GTF2E2: variants seen among roughly 807,000 people sequenced by gnomAD.
GTF2E2 encodes the protein general transcription factor IIE subunit 2.
In GTF2E2, 21 loss-of-function variants were observed where a neutral mutation model predicts 40.5. The ratio of observed to expected loss-of-function variants is 0.52; its 90% confidence interval spans 0.37 to 0.75. The LOEUF (loss-of-function observed/expected upper bound fraction) is 0.75, where lower values mean the gene tolerates loss of function less well. Ranked by LOEUF, GTF2E2 falls within the 30% of genes least tolerant of loss-of-function variation. The pLI, the probability that GTF2E2 is intolerant of heterozygous loss-of-function variation, is 0.00. For synonymous variants in GTF2E2, 117 were observed against 121.6 expected, an observed-to-expected ratio of 0.96 and a Z score of 0.25; for missense variants, 298 against 338.4, an observed-to-expected ratio of 0.88 and a Z score of 0.94.
At chr8:30,635,638 C>A (rs1316126395) in intron 2 of GTF2E2, among the ~76,000 whole-genome samples, 1 of 152,132 alleles carries the variant, frequency 6.6e-6, no homozygotes, top group Non-Finnish European at 1.5e-5. Context: ...CCATCTCAGC[C>A]TCCCAAAGTG....
chr8:30,616,614 A>C (rs1439027245), intron 3 of GTF2E2, among the ~76,000 whole-genome samples: 3 of 152,100 alleles, frequency 2.0e-5, no homozygotes, highest in African/African-American at 4.8e-5. Context: ...CACAGAAAGA[A>C]CACCACTAAG....
chr8:30,632,156 C>A (rs1030703426), intron 3 of GTF2E2, among the ~76,000 whole-genome samples: 6 of 152,064 alleles, frequency 3.9e-5, no homozygotes, highest in Non-Finnish European at 8.8e-5. Flanking sequence ...TTTATCATAT[C>A]CCTTGCTTCA....
chr8:30,603,447 GA>G (rs1276575124), intron 6 of GTF2E2, among the ~76,000 whole-genome samples: 1 of 151,892 alleles, frequency 6.6e-6, no homozygotes, highest in African/African-American at 2.4e-5. Flanking sequence ...TAAAAGATGG[GA>G]AAAAATATAT....
chr8:30,591,657 C>A (rs144194938), intron 6 of GTF2E2, among the ~76,000 whole-genome samples: 139 of 152,240 alleles, frequency 9.1e-4, no homozygotes, highest in African/African-American at 3.2e-3. Flanking sequence ...GAAAGCAGAA[C>A]CTTCCTAAGT....
At chr8:30,591,836 G>A (rs1828859963) in intron 6 of GTF2E2, among the ~76,000 whole-genome samples, 1 of 152,084 alleles carries the variant, frequency 6.6e-6, no homozygotes, top group Non-Finnish European at 1.5e-5. Context: ...TATGTTAATA[G>A]CAGTATTATT....
chr8:30,619,241 A>AC (rs1801013125), intron 3 of GTF2E2, among the ~76,000 whole-genome samples: 1 of 152,214 alleles, frequency 6.6e-6, no homozygotes, highest in East Asian at 1.9e-4. Context: ...TGCCCAGTCT[A>AC]CTTCAATAGT....
intron 2 of GTF2E2, among the ~76,000 whole-genome samples, chr8:30,648,518 A>C (rs904116646): frequency 6.6e-6 from 1 of 152,218 alleles, no homozygotes; most frequent in African/African-American, 2.4e-5. Context: ...AGCTCTCTTC[A>C]TTAAGGAAAG....
At chr8:30,607,441 A>G (rs1829350328) in intron 5 of GTF2E2, among the ~76,000 whole-genome samples, 1 of 152,018 alleles carries the variant, frequency 6.6e-6, no homozygotes, top group African/African-American at 2.4e-5. Context: ...CACCACGTCT[A>G]GCTAATGTTT....
At chr8:30,630,321 C>T (rs1801404167) in intron 3 of GTF2E2, among the ~76,000 whole-genome samples, 2 of 152,182 alleles carry the variant, frequency 1.3e-5, no homozygotes, top group Non-Finnish European at 2.9e-5. Flanking sequence ...TGCCTTTCAT[C>T]TTTCTATTTA....
intron 5 of GTF2E2, among the ~76,000 whole-genome samples, chr8:30,609,495 A>T (rs960949772): frequency 6.6e-6 from 1 of 152,190 alleles, no homozygotes; most frequent in Non-Finnish European, 1.5e-5. Flanking sequence ...GCTAAAAAAA[A>T]TTAAAGACAT....
At chr8:30,596,419 A>T (rs913234810) in intron 6 of GTF2E2, among the ~76,000 whole-genome samples, 1 of 152,124 alleles carries the variant, frequency 6.6e-6, no homozygotes, top group Non-Finnish European at 1.5e-5. Context: ...CACCTATGTT[A>T]CTGTCATTTT....
intron 6 of GTF2E2, among the ~76,000 whole-genome samples, chr8:30,594,042 T>A (rs1366227348): frequency 6.6e-6 from 1 of 152,092 alleles, no homozygotes. Flanking sequence ...GACATTCTCC[T>A]GCCTCAGCCC....
chr8:30,621,170 A>C (rs1468406644), intron 3 of GTF2E2, among the ~76,000 whole-genome samples: 1 of 152,030 alleles, frequency 6.6e-6, no homozygotes, highest in Non-Finnish European at 1.5e-5. Flanking sequence ...CATTACAATC[A>C]AGTACAAAAT....
intron 6 of GTF2E2, among the ~76,000 whole-genome samples, chr8:30,592,970 G>A (rs1355933497): frequency 2.0e-5 from 3 of 152,210 alleles, no homozygotes; most frequent in South Asian, 2.1e-4. Flanking sequence ...GGAGGCTGAG[G>A]CAGGCGGGTC....
intron 4 of GTF2E2, among the ~76,000 whole-genome samples, 170 bp from the exon 5 acceptor site, chr8:30,612,651 C>G (rs1336389237): frequency 2.6e-5 from 4 of 152,174 alleles, no homozygotes; most frequent in African/African-American, 7.2e-5. Context: ...CTCAGCCTCC[C>G]TCTCCTGCCT....
At chr8:30,614,785 G>A in intron 3 of GTF2E2, 70 bp from the exon 4 acceptor site, 1 of 820,524 alleles carries the variant, frequency 1.2e-6, no homozygotes, top group Non-Finnish European at 2.1e-6. Context: ...ATAGTTACAT[G>A]TAAACAAACC....
intron 6 of GTF2E2, among the ~76,000 whole-genome samples, chr8:30,587,400 G>A (rs1828712730): frequency 6.6e-6 from 1 of 150,942 alleles, no homozygotes; most frequent in Non-Finnish European, 1.5e-5. Context: ...GCAACAAAAT[G>A]AGACGCTGCC....
intron 2 of GTF2E2, among the ~76,000 whole-genome samples, chr8:30,640,135 A>C (rs929133828): frequency 1.7e-4 from 26 of 152,280 alleles, no homozygotes; most frequent in African/African-American, 5.5e-4. Context: ...TTGCTGTTTC[A>C]CCAAACTGAC....
chr8:30,645,577 C>T (rs746606291), intron 2 of GTF2E2: 10 of 1,535,344 alleles, frequency 6.5e-6, no homozygotes, highest in South Asian at 2.4e-5. Context: ...CATCAGAAAA[C>T]GTGAAACTGA....
Sources: allele counts gnomAD v4.1 joint callset (sites outside exome capture counted in the v4.1 genomes callset), GRCh38; gene constraint gnomAD v4.1.1; transcripts MANE v1.5; gene names NCBI Gene and HGNC (gene_info 2026-07-23, HGNC 2026-07-21).